The following PRELID2 variants were observed in gnomAD, a reference collection of about 807,000 sequenced individuals.
The protein encoded by PRELID2 is PRELI domain containing 2.
Under a neutral mutation model 28.4 loss-of-function variants are expected in PRELID2, and 25 were observed. The ratio of observed to expected loss-of-function variants is 0.88; its 90% confidence interval spans 0.64 to 1.23. PRELID2 has a LOEUF of 1.23. Ranked by LOEUF, PRELID2 falls within the 50% of genes most tolerant of loss-of-function variation. The pLI is 0.00. For synonymous variants in PRELID2, 76 were observed against 71.6 expected, an observed-to-expected ratio of 1.06 and a Z score of -0.31; for missense variants, 201 against 214.4, an observed-to-expected ratio of 0.94 and a Z score of 0.39.
At chr5:145,822,322 A>C (rs1160310205) in intron 2 of PRELID2, among the ~76,000 whole-genome samples, 2 of 152,176 alleles carry the variant, frequency 1.3e-5, no homozygotes, top group African/African-American at 4.8e-5. Context: ...GAATCAGTAA[A>C]CATTTTCTGC....
intron 1 of PRELID2, among the ~76,000 whole-genome samples, chr5:145,595,892 A>T (rs1753298279): frequency 6.6e-6 from 1 of 152,164 alleles, no homozygotes; most frequent in South Asian, 2.1e-4. Flanking sequence ...TGAAACCAAC[A>T]GTTAGTTACC....
chr5:145,651,221 C>T (rs1236755560), intron 1 of PRELID2, among the ~76,000 whole-genome samples: 1 of 152,180 alleles, frequency 6.6e-6, no homozygotes, highest in Non-Finnish European at 1.5e-5. Flanking sequence ...GAGGTGCCTG[C>T]CATTGCTGAG....
At chr5:145,277,023 A>T in the PRELID2 span, among the ~76,000 whole-genome samples, 3 of 152,032 alleles carry the variant, frequency 2.0e-5, no homozygotes, top group Non-Finnish European at 4.4e-5. Context: ...GCCTGTTCTG[A>T]TTTTTATGAA....
chr5:145,786,681 G>A (rs951053822), intron 5 of PRELID2, among the ~76,000 whole-genome samples: 16 of 152,160 alleles, frequency 1.1e-4, no homozygotes, highest in Non-Finnish European at 2.2e-4. Flanking sequence ...TGCAAAGTTG[G>A]GGCAATTTGT....
the PRELID2 span, among the ~76,000 whole-genome samples, chr5:145,464,310 T>A: frequency 6.6e-6 from 1 of 152,280 alleles, no homozygotes; most frequent in African/African-American, 2.4e-5. Flanking sequence ...AATATTAGAA[T>A]AAGGGAAAGG....
chr5:145,469,429 G>A (rs1580948785), downstream of PRELID2, among the ~76,000 whole-genome samples: 1 of 152,118 alleles, frequency 6.6e-6, no homozygotes, highest in Middle Eastern at 3.4e-3. Context: ...TCTGATTGAG[G>A]CATGTTTCAC....
intron 5 of PRELID2, among the ~76,000 whole-genome samples, chr5:145,787,626 T>C (rs1334417073): frequency 2.0e-5 from 3 of 152,014 alleles, no homozygotes; most frequent in African/African-American, 7.2e-5. Flanking sequence ...CTGCAGCCTT[T>C]ACCTCCCAGC....
chr5:145,814,585 G>C (rs749161589), intron 4 of PRELID2, among the ~76,000 whole-genome samples: 2 of 152,158 alleles, frequency 1.3e-5, no homozygotes, highest in Non-Finnish European at 2.9e-5. Context: ...TAATGATCTG[G>C]ACAAGGGTTT....
chr5:145,476,321 G>A (rs184269165), intron 1 of PRELID2, among the ~76,000 whole-genome samples: 229 of 152,312 alleles, frequency 1.5e-3, no homozygotes, highest in African/African-American at 5.5e-3. Context: ...TGTGACATGC[G>A]TAAAGTAGAA....
intron 1 of PRELID2, among the ~76,000 whole-genome samples, chr5:145,554,840 C>A (rs1465883612): frequency 6.6e-6 from 1 of 152,056 alleles, no homozygotes; most frequent in Non-Finnish European, 1.5e-5. Flanking sequence ...TGAAGGCAGA[C>A]AATAAAACAC....
At chr5:145,600,430 A>ATATATAT (rs797007372) in intron 1 of PRELID2, among the ~76,000 whole-genome samples, 5 of 125,650 alleles carry the variant, frequency 4.0e-5, no homozygotes, top group Admixed American at 1.5e-4. Context: ...GAAAAAAAAA[A>ATATATAT]AAAAATATAT....
chr5:145,404,302 T>C, the PRELID2 span, among the ~76,000 whole-genome samples: 5 of 152,222 alleles, frequency 3.3e-5, no homozygotes, highest in Non-Finnish European at 4.4e-5. Flanking sequence ...CATTAGCTCA[T>C]GCATCAGCTG....
intron 1 of PRELID2, among the ~76,000 whole-genome samples, chr5:145,562,695 G>T (rs751265495): frequency 6.6e-6 from 1 of 152,008 alleles, no homozygotes; most frequent in Non-Finnish European, 1.5e-5. Context: ...GAGGCAAAAT[G>T]CTTCAAAAGT....
chr5:145,643,213 C>T (rs1377193340), intron 1 of PRELID2, among the ~76,000 whole-genome samples: 1 of 152,128 alleles, frequency 6.6e-6, no homozygotes, highest in Non-Finnish European at 1.5e-5. Flanking sequence ...TTGTAGTTCT[C>T]CCTGAAGAGG....
At chr5:145,797,399 A>G (rs1033603762) in intron 4 of PRELID2, among the ~76,000 whole-genome samples, 1 of 152,138 alleles carries the variant, frequency 6.6e-6, no homozygotes, top group Non-Finnish European at 1.5e-5. Flanking sequence ...GTGTAACGCA[A>G]TCAAGAAAAA....
At chr5:145,685,081 C>G (rs2149691605) in intron 1 of PRELID2, among the ~76,000 whole-genome samples, 1 of 152,300 alleles carries the variant, frequency 6.6e-6, no homozygotes, top group East Asian at 1.9e-4. Context: ...CTGCCTGTCC[C>G]CATCCTGACT....
intron 1 of PRELID2, among the ~76,000 whole-genome samples, chr5:145,525,405 T>C (rs1040874291): frequency 6.6e-6 from 1 of 152,204 alleles, no homozygotes; most frequent in Non-Finnish European, 1.5e-5. Context: ...TCCTTAATGA[T>C]ATCGCCTTTT....
the PRELID2 span, among the ~76,000 whole-genome samples, chr5:145,397,482 C>T: frequency 6.6e-6 from 1 of 152,112 alleles, no homozygotes; most frequent in Non-Finnish European, 1.5e-5. Flanking sequence ...AAACTTTACT[C>T]AACAAACTGC....
chr5:145,400,437 T>C, the PRELID2 span, among the ~76,000 whole-genome samples: 3,891 of 152,076 alleles, frequency 0.026, 139 homozygotes, highest in African/African-American at 0.082. Context: ...GGCAGAAACA[T>C]ATATCTTGTG....
Sources: gnomAD v4.1 joint callset for allele counts (sites outside exome capture counted in the v4.1 genomes callset) on GRCh38, gnomAD v4.1.1 for gene constraint, MANE v1.5 for transcripts, NCBI Gene and HGNC (gene_info 2026-07-23, HGNC 2026-07-21) for gene names.